HCN1: variants seen among roughly 807,000 people sequenced by gnomAD.
HCN1 encodes hyperpolarization activated cyclic nucleotide gated potassium channel 1, also known as potassium/sodium hyperpolarization-activated cyclic nucleotide-gated channel 1.
Under a neutral mutation model 78.9 loss-of-function variants are expected in HCN1, and 13 were observed. The ratio of observed to expected loss-of-function variants is 0.16; its 90% confidence interval spans 0.11 to 0.26. HCN1 has a LOEUF of 0.26. Ranked by LOEUF, HCN1 falls within the 10% of genes least tolerant of loss-of-function variation. The probability of loss-of-function intolerance (pLI) is 1.00; values close to 1 mark genes in which losing one functional copy is unlikely to be tolerated. For missense variants in HCN1, 810 were observed against 1,154.3 expected (o/e 0.70, Z 4.32); for synonymous variants, 552 against 455.5 (o/e 1.21, Z -2.70).
chr5:45,437,782 A>G (rs1472614451), intron 3 of HCN1, among the ~76,000 whole-genome samples: 1 of 152,206 alleles, frequency 6.6e-6, no homozygotes, highest in African/African-American at 2.4e-5. Context: ...AGTTTAAAAG[A>G]ATACTTTATT....
intron 5 of HCN1, among the ~76,000 whole-genome samples, chr5:45,337,822 G>T (rs1420460937): frequency 6.6e-6 from 1 of 152,100 alleles, no homozygotes; most frequent in South Asian, 2.1e-4. Flanking sequence ...GATAACATTT[G>T]TATTGAGATT....
At chr5:45,324,837 AT>A (rs1444844059) in intron 5 of HCN1, among the ~76,000 whole-genome samples, 14 of 151,796 alleles carry the variant, frequency 9.2e-5, no homozygotes, top group Non-Finnish European at 1.8e-4. Context: ...GTGAAAAAAA[AT>A]TTTTTAAAGT....
At chr5:45,344,296 C>A (rs1035071436) in intron 5 of HCN1, among the ~76,000 whole-genome samples, 1 of 152,054 alleles carries the variant, frequency 6.6e-6, no homozygotes, top group African/African-American at 2.4e-5. Flanking sequence ...ATGGGAGCTA[C>A]AATTCAAGAT....
In HCN1 at chr5:45,484,448, G is replaced by A. The variant is rs75295438; in HGVS notation, c.850-22441C>T. Among the ~76,000 whole-genome samples, 459 of 151,954 alleles carry A rather than the reference G, an allele frequency of 3.0e-3. 1 individual carries two copies. Among genetic ancestry groups the A allele is most frequent in the East Asian group, 0.018 (92 of 5,144 alleles). On this transcript the variant is annotated intron_variant, in intron 2 of 7. Transcript: ENST00000303230. ...GACGCCATCTTAAAAAAAAAAATCC[G>A]TCTAAATATAAACAGAATTACTTCA...
At chr5:45,507,906 C>T (rs1301249995) in intron 2 of HCN1, among the ~76,000 whole-genome samples, 1 of 151,938 alleles carries the variant, frequency 6.6e-6, no homozygotes, top group Non-Finnish European at 1.5e-5. Context: ...AAATCATTAC[C>T]TATGTTTCTG....
chr5:45,578,789 AT>A (rs1743998430), intron 2 of HCN1, among the ~76,000 whole-genome samples: 1 of 152,084 alleles, frequency 6.6e-6, no homozygotes, highest in Non-Finnish European at 1.5e-5. Context: ...TATGACTAAA[AT>A]TCAAATCAGG....
rs188499565 is a variant in HCN1, at chr5:45,324,817, C to A, written c.1378-20978G>T. Among the ~76,000 whole-genome samples the A allele has an allele frequency of 1.1e-4, 16 of 151,640 alleles. 1 individual carries two copies. The highest frequency in any genetic ancestry group is 6.8e-3 in the Middle Eastern group (2 of 292). ...GCAATTATAATCTCTACGCTGACTA[C>A]ACGAAATTTGTGAAAAAAAATTTTT... On this transcript the variant is annotated intron_variant, in intron 5 of 7. Coordinates refer to ENST00000303230, the MANE Select transcript of HCN1 (RefSeq NM_021072.4).
intron 5 of HCN1, among the ~76,000 whole-genome samples, chr5:45,337,823 T>C (rs1746495543): frequency 1.3e-5 from 2 of 152,138 alleles, no homozygotes; most frequent in African/African-American, 4.8e-5. Context: ...ATAACATTTG[T>C]ATTGAGATTT....
intron 2 of HCN1, among the ~76,000 whole-genome samples, chr5:45,538,561 A>G (rs1329160020): frequency 1.3e-5 from 2 of 152,168 alleles, no homozygotes; most frequent in African/African-American, 4.8e-5. Flanking sequence ...TGATATAACT[A>G]TATATCCCAT....
At chr5:45,584,499 T>C (rs564540618) in intron 2 of HCN1, among the ~76,000 whole-genome samples, 137 of 151,802 alleles carry the variant, frequency 9.0e-4, no homozygotes, top group African/African-American at 3.1e-3. Context: ...CCAGTCTGTG[T>C]CTTTTAATTG....
intron 3 of HCN1, among the ~76,000 whole-genome samples, chr5:45,437,219 C>T (rs1214526940): frequency 4.6e-5 from 7 of 152,184 alleles, no homozygotes; most frequent in South Asian, 2.1e-4. Context: ...ATGAATGAAT[C>T]GGGTATGATC....
intron 2 of HCN1, among the ~76,000 whole-genome samples, chr5:45,570,507 T>C (rs1417622025): frequency 6.6e-6 from 1 of 152,172 alleles, no homozygotes; most frequent in Non-Finnish European, 1.5e-5. Flanking sequence ...AAGACACTGA[T>C]AAGACAAGCT....
At chr5:45,313,971 A>T (rs1453512669) in intron 5 of HCN1, among the ~76,000 whole-genome samples, 1 of 152,232 alleles carries the variant, frequency 6.6e-6, no homozygotes, top group Non-Finnish European at 1.5e-5. Flanking sequence ...GAACTTCCCC[A>T]ACCTAGCAAG....
intron 1 of HCN1, among the ~76,000 whole-genome samples, chr5:45,656,488 C>G (rs146969023): frequency 6.6e-6 from 1 of 152,176 alleles, no homozygotes; most frequent in Non-Finnish European, 1.5e-5. Context: ...AAACATAGTG[C>G]TAGTCCATGG....
chr5:45,497,954 C>T (rs917237963), intron 2 of HCN1, among the ~76,000 whole-genome samples: 47 of 152,252 alleles, frequency 3.1e-4, no homozygotes, highest in Non-Finnish European at 8.8e-5. Flanking sequence ...CCGAGAGATC[C>T]GCTGTTAGTC....
chr5:45,658,759 G>A (rs193140760), intron 1 of HCN1, among the ~76,000 whole-genome samples: 15 of 152,084 alleles, frequency 9.9e-5, no homozygotes, highest in African/African-American at 2.9e-4. Flanking sequence ...CTTAAAAAAC[G>A]GCGCACCACG....
intron 2 of HCN1, among the ~76,000 whole-genome samples, chr5:45,479,481 ATTG>A (rs1741596856): frequency 6.6e-6 from 1 of 152,180 alleles, no homozygotes; most frequent in Non-Finnish European, 1.5e-5. Flanking sequence ...CTGACTCCAA[ATTG>A]TTGTTGGAAT....
intron 4 of HCN1, among the ~76,000 whole-genome samples, chr5:45,366,705 T>G (rs1018697726): frequency 1.3e-5 from 2 of 151,790 alleles, no homozygotes. Flanking sequence ...CACCAGCAAA[T>G]TATCATGCAG....
chr5:45,435,102 T>A (rs1172667074), intron 3 of HCN1, among the ~76,000 whole-genome samples: 1 of 152,074 alleles, frequency 6.6e-6, no homozygotes, highest in East Asian at 1.9e-4. Flanking sequence ...AACATCTAAC[T>A]AATTTAAGGT....
Sources: allele counts gnomAD v4.1 joint callset (sites outside exome capture counted in the v4.1 genomes callset), GRCh38; gene constraint gnomAD v4.1.1; transcripts MANE v1.5; gene names NCBI Gene and HGNC (gene_info 2026-07-23, HGNC 2026-07-21).